The following ADCY8 variants were observed in gnomAD, a reference collection of about 807,000 sequenced individuals.
ADCY8 encodes the protein adenylate cyclase 8.
Under a neutral mutation model 119.7 loss-of-function variants are expected in ADCY8, and 51 were observed. That is an observed-to-expected ratio of 0.43 (90% CI 0.34 to 0.54). The LOEUF (loss-of-function observed/expected upper bound fraction) is 0.54, where lower values mean the gene tolerates loss of function less well. Among genes scored for constraint, ADCY8 ranks in the 20% least tolerant of loss-of-function variants. The pLI, the probability that ADCY8 is intolerant of heterozygous loss-of-function variation, is 0.03. For missense variants in ADCY8, 1,383 were observed against 1,598.8 expected (o/e 0.87, Z 2.30); for synonymous variants, 665 against 651.0 (o/e 1.02, Z -0.33).
intron 5 of ADCY8, among the ~76,000 whole-genome samples, chr8:130,932,586 C>T (rs759751385): frequency 6.6e-6 from 1 of 152,170 alleles, no homozygotes; most frequent in Admixed American, 6.5e-5. Context: ...CTGCCTACTC[C>T]ATTTAATGTG....
chr8:130,879,639 G>T (rs1475503381), intron 8 of ADCY8, among the ~76,000 whole-genome samples: 2 of 152,088 alleles, frequency 1.3e-5, no homozygotes, highest in East Asian at 3.9e-4. Flanking sequence ...ATTTAACTAT[G>T]AGAATAGTCA....
chr8:131,012,320 A>T (rs563927351), intron 1 of ADCY8, among the ~76,000 whole-genome samples: 1 of 152,346 alleles, frequency 6.6e-6, no homozygotes, highest in East Asian at 1.9e-4. Context: ...CAGGTAAACC[A>T]CAAGACCAGC....
chr8:130,988,390 A>G (rs930581150), intron 2 of ADCY8, among the ~76,000 whole-genome samples: 2 of 152,240 alleles, frequency 1.3e-5, no homozygotes, highest in African/African-American at 4.8e-5. Flanking sequence ...ATTTTACTTA[A>G]TCCTAGGAAC....
At chr8:130,980,217 A>G (rs532772153) in intron 2 of ADCY8, among the ~76,000 whole-genome samples, 1 of 152,298 alleles carries the variant, frequency 6.6e-6, no homozygotes, top group South Asian at 2.1e-4. Flanking sequence ...GTGATATTGA[A>G]TTAAGGCCCA....
At chr8:130,978,653 TA>T (rs1446898028) in intron 2 of ADCY8, among the ~76,000 whole-genome samples, 1 of 152,172 alleles carries the variant, frequency 6.6e-6, no homozygotes, top group Non-Finnish European at 1.5e-5. Flanking sequence ...ATGACATATA[TA>T]ACTCTAAGAC....
intron 5 of ADCY8, among the ~76,000 whole-genome samples, chr8:130,913,157 A>G (rs145880205): frequency 1.6e-3 from 243 of 152,312 alleles, no homozygotes; most frequent in Non-Finnish European, 3.0e-3. Flanking sequence ...AGAATGGGGT[A>G]TCCATTCCCT....
chr8:130,843,524 G>A (rs1448447668), intron 11 of ADCY8, among the ~76,000 whole-genome samples: 1 of 152,158 alleles, frequency 6.6e-6, no homozygotes, highest in Non-Finnish European at 1.5e-5. Context: ...TTCTCTTAAA[G>A]CAATAATAAA....
chr8:130,836,586 G>C, intron 11 of ADCY8, 137 bp from the exon 12 acceptor site: 2 of 839,184 alleles, frequency 2.4e-6, no homozygotes, highest in Middle Eastern at 3.7e-4. Flanking sequence ...AAATTCAACA[G>C]GTCCCAAATC....
intron 5 of ADCY8, among the ~76,000 whole-genome samples, chr8:130,933,343 A>G (rs1295331260): frequency 6.6e-6 from 1 of 152,212 alleles, no homozygotes; most frequent in Non-Finnish European, 1.5e-5. Context: ...GTAAGCAGTA[A>G]TTGGTTAAGA....
intron 13 of ADCY8, among the ~76,000 whole-genome samples, chr8:130,816,417 A>ATTT (rs369547834): frequency 1.7e-4 from 21 of 121,082 alleles, no homozygotes; most frequent in East Asian, 2.5e-4. Context: ...TTCTTAATTA[A>ATTT]TTTTTTTTTC....
At chr8:130,822,459 C>T (rs1816539206) in intron 12 of ADCY8, among the ~76,000 whole-genome samples, 1 of 152,080 alleles carries the variant, frequency 6.6e-6, no homozygotes, top group Admixed American at 6.5e-5. Context: ...GACTGTGAGC[C>T]ACACATTGTC....
intron 1 of ADCY8, among the ~76,000 whole-genome samples, chr8:131,034,628 G>A (rs1824093994): frequency 6.6e-6 from 1 of 152,072 alleles, no homozygotes; most frequent in Non-Finnish European, 1.5e-5. Flanking sequence ...ATTTAAATCT[G>A]ACAGCATGAC....
chr8:130,847,526 A>T lies in ADCY8; in HGVS notation c.2413-13T>A, dbSNP rs781380186. 1.5e-6 allele frequency: 2 copies of T among 1,344,400 alleles called. No homozygotes were observed. The highest frequency in any genetic ancestry group is 2.0e-6 in the Non-Finnish European group (2 of 996,216). 83.3% of individuals were successfully genotyped at this position (1,344,400 alleles called of 1,614,324 possible). A position where few individuals can be genotyped will look rare whatever the true frequency, so the allele number is the denominator to read the frequency against. On this transcript the variant is annotated splice_polypyrimidine_tract_variant and intron_variant, in intron 10 of 17. Coordinates refer to ENST00000286355, the MANE Select transcript of ADCY8 (RefSeq NM_001115.3). ...AATCACACCACAGCTGCGGATTAAA[A>T]AAAAAAAAAAAAGAACAACAAAAAC...
intron 12 of ADCY8, among the ~76,000 whole-genome samples, chr8:130,826,015 T>G (rs1306379033): frequency 6.6e-6 from 1 of 152,202 alleles, no homozygotes. Context: ...CCTCCTAGGG[T>G]TATTTTCACT....
chr8:130,990,454 A>C lies in ADCY8; in HGVS notation c.1049T>G (p.Phe350Cys), dbSNP rs1208434187. ...YLSDRAQRQA[F>C]LETRRCVEAR... ...CTCCACACACCTCCGAGTCTCCAGG[A>C]AAGCTTGGCGCTGGGCCCGGTCTGA... Residue 350 changes from phenylalanine (F) to cysteine (C), a missense_variant, in exon 2 of 18, where the codon TTC (phenylalanine) becomes TGC (cysteine). Physicochemically the swap from Phe to Cys is radical, Grantham distance 205. Around this residue, in one of 2 missense-constraint regions of ADCY8, gnomAD observed 928 missense variants for 1,163.5 expected, o/e 0.80. Coordinates refer to ENST00000286355, the MANE Select transcript of ADCY8 (RefSeq NM_001115.3). 6.2e-7 allele frequency: 1 copy of C among 1,614,100 alleles called. No individual in the cohort carries two copies. The highest frequency in any genetic ancestry group is 1.3e-5 in the African/African-American group (1 of 74,954).
chr8:131,024,385 C>A lies in ADCY8; in HGVS notation c.960+14989G>T, dbSNP rs76805738. Reference sequence around the variant, plus strand: ...GATAAAGGAGCTACTTTATTCTCATCTTGTTATGGATGCAGTGACTAACCT... The same window carrying A: ...GATAAAGGAGCTACTTTATTCTCATATTGTTATGGATGCAGTGACTAACCT... On this transcript the variant is annotated intron_variant, in intron 1 of 17. Transcript: ENST00000286355. Among the ~76,000 whole-genome samples, 119 of 152,278 alleles carry A rather than the reference C, an allele frequency of 7.8e-4. 2 individuals carry two copies. The East Asian group carries it at 0.022, about 28-fold the overall frequency.
At chr8:130,811,371 A>G (rs1042163118) in intron 14 of ADCY8, among the ~76,000 whole-genome samples, 2 of 152,234 alleles carry the variant, frequency 1.3e-5, no homozygotes, top group Non-Finnish European at 2.9e-5. Context: ...TACAGGTAAC[A>G]TAAATGGCAG....
intron 9 of ADCY8, among the ~76,000 whole-genome samples, chr8:130,853,447 G>C (rs551304626): frequency 6.6e-6 from 1 of 152,176 alleles, no homozygotes; most frequent in Non-Finnish European, 1.5e-5. Flanking sequence ...GGGATATGAG[G>C]GCCAGCAGAG....
At position 131,039,490 on chromosome 8, in the gene ADCY8, A is replaced by AGC. The variant is rs1222759314; in HGVS notation, c.843_844insGC (p.Tyr282AlafsTer51). On this transcript the variant is annotated frameshift_variant, in exon 1 of 18. Transcript: ENST00000286355. LOFTEE classifies it high-confidence loss of function. The stretch of plus-strand genomic sequence containing the variant: ...GTGAGCGGCAGCGGCAGCATACTGT[A>AGC]GGTGGCGAAGAGCGTGAAGAGCACG... 2 of 1,614,064 alleles carry AGC rather than the reference A, an allele frequency of 1.2e-6. No individual in the cohort carries two copies. The highest frequency in any genetic ancestry group is 3.3e-5 in the Admixed American group (2 of 60,012).
Sources: gnomAD v4.1 joint callset for allele counts (sites outside exome capture counted in the v4.1 genomes callset) on GRCh38, gnomAD v4.1.1 for gene constraint, gnomAD v4.1.1 regional missense constraint, MANE v1.5 for transcripts, NCBI Gene and HGNC (gene_info 2026-07-23, HGNC 2026-07-21) for gene names.